CHRNB3: variants seen among roughly 807,000 people sequenced by gnomAD.
The protein encoded by CHRNB3 is cholinergic receptor nicotinic beta 3 subunit.
Under a neutral mutation model 40.6 loss-of-function variants are expected in CHRNB3, and 37 were observed. The ratio of observed to expected loss-of-function variants is 0.91; its 90% CI spans 0.70 to 1.20. The LOEUF (loss-of-function observed/expected upper bound fraction) is 1.20, where lower values mean the gene tolerates loss of function less well. Among genes scored for constraint, CHRNB3 ranks in the 50% most tolerant of loss-of-function variants. The probability of loss-of-function intolerance (pLI) is 0.00; values close to 1 mark genes in which losing one functional copy is unlikely to be tolerated. For missense variants in CHRNB3, 505 were observed against 551.2 expected, an observed-to-expected ratio of 0.92 and a Z score of 0.84; for synonymous variants, 207 against 207.1, an observed-to-expected ratio of 1.00 and a Z score of 0.00.
At chr8:42,710,563 C>T (rs1815998132) in intron 3 of CHRNB3, 129 bp downstream of exon 3, 2 of 721,912 alleles carry the variant, frequency 2.8e-6, no homozygotes, top group Non-Finnish European at 2.3e-6. Context: ...TGGGAAGGGT[C>T]TATGGCTTTT....
chr8:42,713,229 T>G (rs1586397679), intron 3 of CHRNB3, among the ~76,000 whole-genome samples: 1 of 152,022 alleles, frequency 6.6e-6, no homozygotes, highest in African/African-American at 2.4e-5. Flanking sequence ...ACTTTTCTTG[T>G]GCTTTTGAAA....
At chr8:42,732,628 A>T in intron 5 of CHRNB3, 79 bp downstream of exon 5, 1 of 1,323,236 alleles carries the variant, frequency 7.6e-7, no homozygotes, top group Non-Finnish European at 1.0e-6. Context: ...TTTACAATAA[A>T]ATATTGTCAT....
In CHRNB3 at chr8:42,732,059, C is replaced by T. The variant is rs1816435431; in HGVS notation, c.752C>T (p.Thr251Ile). ...CCCTGCCTGGGGCTGTCTTTCCTAA[C>T]AGTTCTTGTGTTCTATTTACCTTCG... ...IIPCLGLSFL[T>I]VLVFYLPSDE... The change falls in exon 5 of 6, where the codon ACA becomes ATA. Residue 251 changes from threonine (T) to isoleucine (I), a missense_variant. Coordinates refer to ENST00000289957, the MANE Select transcript of CHRNB3 (RefSeq NM_000749.5). The T allele has an allele frequency of 1.2e-6, 2 of 1,614,116 alleles. No homozygotes were observed. Among genetic ancestry groups the T allele is most frequent in the Non-Finnish European group, 1.7e-6 (2 of 1,180,018 alleles).
intron 1 of CHRNB3, chr8:42,705,777 A>G (rs1310569650): frequency 6.6e-6 from 1 of 152,294 alleles, no homozygotes; most frequent in Non-Finnish European, 1.5e-5. Flanking sequence ...CTGTGTCCTC[A>G]CTGCTTCCCT....
chr8:42,697,700 G>A, intron 1 of CHRNB3, 102 bp downstream of exon 1: 2 of 862,896 alleles, frequency 2.3e-6, no homozygotes, highest in Non-Finnish European at 3.9e-6. Context: ...AATATGTAAT[G>A]CACAAGATAC....
intron 3 of CHRNB3, among the ~76,000 whole-genome samples, chr8:42,727,367 T>C (rs1229276186): frequency 7.5e-6 from 1 of 133,674 alleles, no homozygotes; most frequent in Admixed American, 7.5e-5. Flanking sequence ...AGTGAGACTC[T>C]GTCTCGAAAA....
chr8:42,735,036 G>T (rs1006868868), intron 5 of CHRNB3, among the ~76,000 whole-genome samples: 14 of 149,082 alleles, frequency 9.4e-5, no homozygotes, highest in Non-Finnish European at 1.3e-4. Context: ...CTGGCTAACA[G>T]GGTGAAACCC....
At chr8:42,712,232 A>T (rs1471915957) in intron 3 of CHRNB3, among the ~76,000 whole-genome samples, 2 of 152,150 alleles carry the variant, frequency 1.3e-5, no homozygotes, top group Admixed American at 6.5e-5. Context: ...GCCTCAGGTG[A>T]TCTGCTCACC....
At chr8:42,700,283 G>C (rs1171276813) in intron 1 of CHRNB3, among the ~76,000 whole-genome samples, 1 of 151,360 alleles carries the variant, frequency 6.6e-6, no homozygotes, top group East Asian at 2.0e-4. Context: ...CCAAAGTGCT[G>C]GGATTACAGG....
At chr8:42,724,733 C>T (rs959778771) in intron 3 of CHRNB3, among the ~76,000 whole-genome samples, 1 of 152,160 alleles carries the variant, frequency 6.6e-6, no homozygotes, top group Non-Finnish European at 1.5e-5. Context: ...AATCCCAGTA[C>T]TTTGGGAGGC....
chr8:42,725,677 G>A (rs1453224668), intron 3 of CHRNB3: 9 of 955,510 alleles, frequency 9.4e-6, no homozygotes, highest in East Asian at 4.8e-5. Flanking sequence ...CAAGAACCAC[G>A]AGATCTCCTG....
intron 3 of CHRNB3, among the ~76,000 whole-genome samples, chr8:42,712,219 C>G (rs891438934): frequency 6.6e-6 from 1 of 152,294 alleles, no homozygotes; most frequent in East Asian, 1.9e-4. Context: ...TCTTGAACTC[C>G]TGGCCTCAGG....
chr8:42,735,266 G>T (rs1195027020), intron 5 of CHRNB3, among the ~76,000 whole-genome samples: 1 of 151,982 alleles, frequency 6.6e-6, no homozygotes, highest in African/African-American at 2.4e-5. Context: ...GGCCGGGTGT[G>T]GTGGCTCACG....
At chr8:42,727,540 A>G (rs924146301) in intron 3 of CHRNB3, among the ~76,000 whole-genome samples, 3 of 152,182 alleles carry the variant, frequency 2.0e-5, no homozygotes, top group African/African-American at 7.2e-5. Context: ...GGTGCTGACA[A>G]TTGGACACTC....
intron 3 of CHRNB3, among the ~76,000 whole-genome samples, chr8:42,714,602 A>G (rs1175675319): frequency 6.6e-6 from 1 of 151,452 alleles, no homozygotes; most frequent in Non-Finnish European, 1.5e-5. Flanking sequence ...TATTTATAAA[A>G]AGCTATCATT....
At chr8:42,722,287 C>G (rs1816230783) in intron 3 of CHRNB3, among the ~76,000 whole-genome samples, 1 of 151,972 alleles carries the variant, frequency 6.6e-6, no homozygotes, top group East Asian at 1.9e-4. Context: ...ATGGCTTGAA[C>G]CCAGGAAGCG....
chr8:42,709,637 T>G (rs910309051), intron 2 of CHRNB3, among the ~76,000 whole-genome samples: 1 of 152,074 alleles, frequency 6.6e-6, no homozygotes, highest in Non-Finnish European at 1.5e-5. Context: ...TTCATTATTA[T>G]TATTGTTGTT....
chr8:42,732,221 T>C lies in CHRNB3; in HGVS notation c.914T>C (p.Ile305Thr). 2 of 1,610,480 alleles carry C rather than the reference T, an allele frequency of 1.2e-6. No homozygotes were observed. The highest frequency in any genetic ancestry group is 1.7e-6 in the Non-Finnish European group (2 of 1,178,832). ...GGAGAGTACCTGCTGTTCATCATGATTTTTGTGACCCTGTCCATCATTGTT... is the reference window on the plus strand; with the variant it reads ...GGAGAGTACCTGCTGTTCATCATGACTTTTGTGACCCTGTCCATCATTGTT... ...LIGEYLLFIM[I>T]FVTLSIIVTV... The change falls in exon 5 of 6, where the codon ATT becomes ACT. Residue 305 changes from isoleucine (I) to threonine (T), a missense_variant. Physicochemically the swap from Ile to Thr is moderately conservative, Grantham distance 89 (BLOSUM62 -1). Coordinates refer to ENST00000289957, the MANE Select transcript of CHRNB3 (RefSeq NM_000749.5).
At chr8:42,703,560 A>G (rs1014804283) in intron 1 of CHRNB3, among the ~76,000 whole-genome samples, 2 of 151,032 alleles carry the variant, frequency 1.3e-5, no homozygotes, top group East Asian at 3.9e-4. Context: ...AATTTAAAAT[A>G]TAAGTTATTT....
Sources: allele counts gnomAD v4.1 joint callset (sites outside exome capture counted in the v4.1 genomes callset), GRCh38; gene constraint gnomAD v4.1.1; transcripts MANE v1.5; gene names NCBI Gene and HGNC (gene_info 2026-07-23, HGNC 2026-07-21).